Variants in NCK2 observed in about 807,000 individuals in gnomAD.
NCK2 encodes the protein cytoplasmic protein NCK2.
Under a neutral mutation model 33.9 loss-of-function variants are expected in NCK2, and 16 were observed. The observed-to-expected ratio is 0.47, with a 90% CI of 0.32 to 0.72. The LOEUF (loss-of-function observed/expected upper bound fraction) is 0.72. Ranked by LOEUF, NCK2 falls within the 30% of genes least tolerant of loss-of-function variation. NCK2 has a pLI of 0.03. For missense variants in NCK2, 418 were observed against 537.3 expected, an observed-to-expected ratio of 0.78 and a Z score of 2.19; for synonymous variants, 273 against 239.9, an observed-to-expected ratio of 1.14 and a Z score of -1.27.
intron 1 of NCK2, among the ~76,000 whole-genome samples, chr2:105,802,246 CAG>C (rs1231480067): frequency 1.3e-5 from 2 of 152,178 alleles, no homozygotes; most frequent in African/African-American, 4.8e-5. Context: ...TACCTGTACT[CAG>C]AAATCACTTG....
At chr2:105,767,047 C>G in intron 1 of NCK2, among the ~76,000 whole-genome samples, 1 of 152,120 alleles carries the variant, frequency 6.6e-6, no homozygotes, top group Non-Finnish European at 1.5e-5. Flanking sequence ...GTCAGCTACT[C>G]GTATGGTCAG....
At chr2:105,882,073 C>G (rs780578224) in intron 4 of NCK2, 24 bp downstream of exon 4, 1 of 1,481,096 alleles carries the variant, frequency 6.8e-7, no homozygotes, top group East Asian at 2.4e-5. Context: ...GCCCACAGCT[C>G]CGGCTGCAGG....
At chr2:105,791,974 AG>A (rs1313845035) in intron 1 of NCK2, among the ~76,000 whole-genome samples, 1 of 152,256 alleles carries the variant, frequency 6.6e-6, no homozygotes, top group African/African-American at 2.4e-5. Context: ...AGAAACAAAA[AG>A]AAGAGCCTTA....
intron 1 of NCK2, among the ~76,000 whole-genome samples, chr2:105,768,427 C>G (rs1222379930): frequency 6.6e-6 from 1 of 152,204 alleles, no homozygotes; most frequent in Non-Finnish European, 1.5e-5. Flanking sequence ...AAGACCATCC[C>G]CATTTCCGTC....
intron 3 of NCK2, among the ~76,000 whole-genome samples, chr2:105,870,385 C>T (rs535296337): frequency 3.3e-5 from 5 of 152,358 alleles, no homozygotes; most frequent in Admixed American, 6.5e-5. Flanking sequence ...CATCCTGTGG[C>T]AGTCCCTTCC....
At chr2:105,767,896 C>T (rs575052037) in intron 1 of NCK2, among the ~76,000 whole-genome samples, 8 of 152,150 alleles carry the variant, frequency 5.3e-5, no homozygotes, top group Admixed American at 6.5e-5. Context: ...AATTCCTTCC[C>T]TCTCTATTAC....
At chr2:105,819,359 A>T (rs1041873350) in intron 2 of NCK2, among the ~76,000 whole-genome samples, 1 of 151,984 alleles carries the variant, frequency 6.6e-6, no homozygotes, top group African/African-American at 2.4e-5. Context: ...TTGGGGTAGA[A>T]CTTTTTAAAA....
chr2:105,881,479 G>A lies in NCK2; in HGVS notation c.378G>A (p.Arg126=). 1 of 1,613,978 alleles carries A rather than the reference G, an allele frequency of 6.2e-7. No homozygotes were observed. The highest frequency in any genetic ancestry group is 8.5e-7 in the Non-Finnish European group (1 of 1,180,012). ...AFVKFAYVAE[R]EDELSLVKGS... ...TCAAGTTCGCCTATGTGGCCGAGCG[G>A]GAGGATGAGTTGTCCCTGGTGAAGG... The change falls in exon 4 of 5, where the codon CGG becomes CGA. Residue 126 remains arginine, a synonymous_variant. Coordinates refer to ENST00000233154, the MANE Select transcript of NCK2 (RefSeq NM_003581.5).
At chr2:105,886,134 A>G (rs147452621) in intron 4 of NCK2, among the ~76,000 whole-genome samples, 3 of 152,346 alleles carry the variant, frequency 2.0e-5, no homozygotes, top group South Asian at 2.1e-4. Context: ...GCATCTTTCC[A>G]GTTTCAAAGA....
intron 3 of NCK2, among the ~76,000 whole-genome samples, chr2:105,879,061 C>T (rs957426121): frequency 2.6e-5 from 4 of 152,156 alleles, no homozygotes; most frequent in Non-Finnish European, 4.4e-5. Flanking sequence ...ATTGTGATGG[C>T]CACTATCAAA....
At chr2:105,778,186 A>G (rs1421860861) in intron 1 of NCK2, among the ~76,000 whole-genome samples, 1 of 152,114 alleles carries the variant, frequency 6.6e-6, no homozygotes, top group Admixed American at 6.5e-5. Context: ...TTAGAGGGGG[A>G]CTGGGGACCT....
chr2:105,807,706 T>C (rs1244925707), intron 1 of NCK2, among the ~76,000 whole-genome samples: 2 of 148,240 alleles, frequency 1.3e-5, no homozygotes, highest in South Asian at 2.2e-4. Context: ...TCTTTTCTTT[T>C]TTCCTTCCTT....
chr2:105,869,168 A>G (rs965468266), intron 3 of NCK2, among the ~76,000 whole-genome samples: 2 of 152,094 alleles, frequency 1.3e-5, no homozygotes, highest in Non-Finnish European at 2.9e-5. Flanking sequence ...TGACCCTGAG[A>G]GCCGAAGTGA....
chr2:105,821,804 G>C (rs1030981938), intron 2 of NCK2, among the ~76,000 whole-genome samples: 2 of 148,932 alleles, frequency 1.3e-5, no homozygotes, highest in Admixed American at 6.7e-5. Flanking sequence ...AGCTGTGCAT[G>C]CTCAACTGTG....
intron 3 of NCK2, among the ~76,000 whole-genome samples, chr2:105,865,331 T>TA (rs1285529645): frequency 2.0e-5 from 3 of 152,202 alleles, no homozygotes; most frequent in Admixed American, 6.5e-5. Context: ...AGAAAACTGA[T>TA]ACTCAGAAGT....
At chr2:105,881,210 C>A in intron 3 of NCK2, 118 bp from the exon 4 acceptor site, 1 of 1,368,796 alleles carries the variant, frequency 7.3e-7, no homozygotes, top group Non-Finnish European at 9.8e-7. Flanking sequence ...TAAGCACTGT[C>A]CATGTGTCGT....
chr2:105,870,093 G>A (rs895615473), intron 3 of NCK2, among the ~76,000 whole-genome samples: 5 of 152,186 alleles, frequency 3.3e-5, no homozygotes, highest in African/African-American at 4.8e-5. Flanking sequence ...GGTTCCTGGT[G>A]TGCCCACCCA....
At chr2:105,762,909 C>T (rs1689811864) in intron 1 of NCK2, among the ~76,000 whole-genome samples, 1 of 151,998 alleles carries the variant, frequency 6.6e-6, no homozygotes, top group Non-Finnish European at 1.5e-5. Context: ...TAAAAGCAAC[C>T]TGAGGCCAGG....
intron 1 of NCK2, among the ~76,000 whole-genome samples, chr2:105,799,267 G>GT (rs1362620044): frequency 1.0e-5 from 1 of 99,758 alleles, no homozygotes; most frequent in Non-Finnish European, 2.7e-5. Flanking sequence ...TGAGTCCTAG[G>GT]TTTAAAAAAA....
Sources: gnomAD v4.1 joint callset for allele counts (sites outside exome capture counted in the v4.1 genomes callset) on GRCh38, gnomAD v4.1.1 for gene constraint, MANE v1.5 for transcripts, NCBI Gene and HGNC (gene_info 2026-07-23, HGNC 2026-07-21) for gene names.